SYN3: variants seen among roughly 807,000 people sequenced by gnomAD.
SYN3 encodes the protein synapsin-3.
SYN3 carries 35 observed loss-of-function variants against 65.8 expected under a neutral mutation model. That is an observed-to-expected ratio of 0.53 (90% CI 0.41 to 0.70). The LOEUF (loss-of-function observed/expected upper bound fraction) is 0.70, where lower values mean the gene tolerates loss of function less well. SYN3 is among the 30% of genes least tolerant of loss of function. The probability of loss-of-function intolerance (pLI) is 0.00; values close to 1 mark genes in which losing one functional copy is unlikely to be tolerated. For synonymous variants in SYN3, 270 were observed against 292.9 expected (o/e 0.92, Z 0.80); for missense variants, 680 against 749.0 (o/e 0.91, Z 1.08).
chr22:32,518,942 G>A (rs1247791793), intron 12 of SYN3, among the ~76,000 whole-genome samples: 3 of 152,060 alleles, frequency 2.0e-5, no homozygotes, highest in Non-Finnish European at 4.4e-5. Context: ...AATCTGATAG[G>A]CCTGGTGTCC....
At chr22:32,821,009 G>C (rs766751956) in intron 6 of SYN3, among the ~76,000 whole-genome samples, 1 of 152,106 alleles carries the variant, frequency 6.6e-6, no homozygotes, top group Non-Finnish European at 1.5e-5. Flanking sequence ...GTGGCTTCAT[G>C]CTCTTTCAAT....
At chr22:32,833,752 GC>G (rs1478666160) in intron 6 of SYN3, 2 of 496,392 alleles carry the variant, frequency 4.0e-6, no homozygotes, top group African/African-American at 4.0e-5. Context: ...TTCTTTACAG[GC>G]CTCGATTTCT....
At chr22:32,870,204 A>G (rs1543804) in intron 4 of SYN3, among the ~76,000 whole-genome samples, 41,907 of 152,104 alleles carry the variant, frequency 0.28, 5,985 homozygotes, top group African/African-American at 0.34. Flanking sequence ...AGTAAACAAA[A>G]TGCTCATAAT....
intron 8 of SYN3, among the ~76,000 whole-genome samples, chr22:32,539,672 A>ACC (rs2058221834): frequency 6.6e-6 from 1 of 151,316 alleles, no homozygotes; most frequent in African/African-American, 2.4e-5. Context: ...TCTGACATGA[A>ACC]CCCCCTCCTT....
intron 7 of SYN3, among the ~76,000 whole-genome samples, chr22:32,544,587 T>G (rs540808671): frequency 6.6e-6 from 1 of 152,226 alleles, no homozygotes; most frequent in Non-Finnish European, 1.5e-5. Flanking sequence ...TAGTGAACTT[T>G]GGGAAATATG....
intron 7 of SYN3, among the ~76,000 whole-genome samples, chr22:32,581,893 G>A (rs189849165): frequency 1.6e-3 from 225 of 143,612 alleles, no homozygotes; most frequent in African/African-American, 5.7e-3. Flanking sequence ...GCTTCCTGAA[G>A]AATTGAAGCA....
At chr22:32,880,816 T>G (rs1221507824) in intron 4 of SYN3, among the ~76,000 whole-genome samples, 1 of 152,206 alleles carries the variant, frequency 6.6e-6, no homozygotes, top group Non-Finnish European at 1.5e-5. Context: ...GTTGCGCGTC[T>G]CGTAAACAGC....
intron 3 of SYN3, among the ~76,000 whole-genome samples, chr22:32,954,471 G>A (rs1018957614): frequency 4.6e-5 from 7 of 152,224 alleles, no homozygotes; most frequent in Non-Finnish European, 7.3e-5. Flanking sequence ...AAGAACAGTG[G>A]TTAATGTTTC....
intron 7 of SYN3, among the ~76,000 whole-genome samples, chr22:32,566,322 G>A (rs146946710): frequency 2.8e-4 from 42 of 152,242 alleles, no homozygotes; most frequent in Non-Finnish European, 5.3e-4. Flanking sequence ...GTAGGTGCAC[G>A]TGGCTGATGG....
At chr22:32,710,079 A>ATG in intron 6 of SYN3, among the ~76,000 whole-genome samples, 1 of 90,816 alleles carries the variant, frequency 1.1e-5, no homozygotes, top group Non-Finnish European at 2.0e-5. Context: ...ATATATGCAC[A>ATG]CACACACACA....
At chr22:32,972,608 C>T (rs1308301991) in intron 3 of SYN3, among the ~76,000 whole-genome samples, 2 of 152,170 alleles carry the variant, frequency 1.3e-5, no homozygotes, top group Non-Finnish European at 2.9e-5. Flanking sequence ...AAGAAGGCAG[C>T]AACAATTCTG....
At chr22:32,664,991 C>CTT (rs564943069) in intron 6 of SYN3, among the ~76,000 whole-genome samples, 31 of 68,994 alleles carry the variant, frequency 4.5e-4, no homozygotes, top group Middle Eastern at 0.014. Flanking sequence ...ATGTATAATT[C>CTT]TTTTTTTTTT....
chr22:32,902,548 T>A (rs987750249), intron 4 of SYN3, among the ~76,000 whole-genome samples: 2 of 152,230 alleles, frequency 1.3e-5, no homozygotes, highest in Admixed American at 6.5e-5. Context: ...ATTTTTCAGA[T>A]GGGAAAATTG....
intron 4 of SYN3, among the ~76,000 whole-genome samples, chr22:32,910,315 G>A (rs1280194625): frequency 6.6e-6 from 1 of 152,090 alleles, no homozygotes; most frequent in Admixed American, 6.5e-5. Context: ...ATGGGGGTGG[G>A]GAGAGGAGAG....
intron 1 of SYN3, among the ~76,000 whole-genome samples, chr22:33,027,675 AAAAGAAAGAAAGAG>A (rs1324235121): frequency 4.5e-4 from 69 of 152,054 alleles, no homozygotes; most frequent in African/African-American, 1.5e-3. Flanking sequence ...AAAAAGAAAG[AAAAGAAAGAAAGAG>A]AAAGAAAGAA....
rs2057651277 is a variant in SYN3, at chr22:32,508,101, C to CGCATCCCCTGTGACTTG, written c.*5574_*5590dup. Among the ~76,000 whole-genome samples the CGCATCCCCTGTGACTTG allele has an allele frequency of 6.6e-6, 1 of 152,174 alleles. No homozygotes were observed. The highest frequency in any genetic ancestry group is 2.1e-4 in the South Asian group (1 of 4,832). ...GGCCTCTGAGCCCAAGCCAAGCCAT[C>CGCATCCCCTGTGACTTG]GCATCCCCTGTGACTTGCGCGTATA... On this transcript the variant is annotated 3_prime_UTR_variant, in exon 14 of 14. Coordinates refer to ENST00000358763, the MANE Select transcript of SYN3 (RefSeq NM_003490.4).
intron 4 of SYN3, chr22:32,930,994 G>A (rs145677717): frequency 2.4e-4 from 39 of 161,100 alleles, no homozygotes; most frequent in Non-Finnish European, 4.8e-4. Context: ...CCTTCCATTC[G>A]TACCGCACTT....
At chr22:32,841,488 C>T (rs1046218305) in intron 6 of SYN3, among the ~76,000 whole-genome samples, 5 of 152,214 alleles carry the variant, frequency 3.3e-5, no homozygotes, top group African/African-American at 4.8e-5. Context: ...GAGTGAGCTA[C>T]AATTTCCTGA....
rs1248146197 is a variant in SYN3, at chr22:32,512,154, G to A, written c.*1538C>T. On this transcript the variant is annotated 3_prime_UTR_variant, in exon 14 of 14. Transcript: ENST00000358763. ...TTGAAGGACCAAAAAGGAGATGATTGCTTTTATGCTCCTGGGAACCTGGAT... is the reference window on the plus strand; with the variant it reads ...TTGAAGGACCAAAAAGGAGATGATTACTTTTATGCTCCTGGGAACCTGGAT... Among the ~76,000 whole-genome samples, 1 of 152,212 alleles carries A rather than the reference G, an allele frequency of 6.6e-6. No homozygotes were observed. Among genetic ancestry groups the A allele is most frequent in the Non-Finnish European group, 1.5e-5 (1 of 68,042 alleles).
Sources: allele counts gnomAD v4.1 joint callset (sites outside exome capture counted in the v4.1 genomes callset), GRCh38; gene constraint gnomAD v4.1.1; transcripts MANE v1.5; gene names NCBI Gene and HGNC (gene_info 2026-07-23, HGNC 2026-07-21).